The following SNX24 variants were observed in gnomAD, a reference collection of about 807,000 sequenced individuals.
SNX24 encodes sorting nexin-24.
Under a neutral mutation model 28.7 loss-of-function variants are expected in SNX24, and 22 were observed. That is an observed-to-expected ratio of 0.77 (90% CI 0.55 to 1.10). The LOEUF (loss-of-function observed/expected upper bound fraction) is 1.10. Among genes scored for constraint, SNX24 ranks in the 50% least tolerant of loss-of-function variants. The probability of loss-of-function intolerance (pLI) is 0.00; values close to 1 mark genes in which losing one functional copy is unlikely to be tolerated. For synonymous variants in SNX24, 69 were observed against 71.5 expected (o/e 0.96, Z 0.18); for missense variants, 221 against 201.1 (o/e 1.10, Z -0.60).
chr5:122,992,411 T>C (rs1237821889), intron 3 of SNX24, among the ~76,000 whole-genome samples: 2 of 152,174 alleles, frequency 1.3e-5, no homozygotes, highest in Non-Finnish European at 2.9e-5. Context: ...CCAGAAGCCC[T>C]TCCTAACCTC....
chr5:122,956,028 A>G (rs1036528481), intron 3 of SNX24, among the ~76,000 whole-genome samples: 4 of 150,068 alleles, frequency 2.7e-5, no homozygotes, highest in East Asian at 3.9e-4. Flanking sequence ...TCTGTGTTCT[A>G]TGGCTGGACA....
At chr5:122,945,908 G>C (rs1034051566) in intron 2 of SNX24, 147 bp from the exon 3 acceptor site, 1 of 495,590 alleles carries the variant, frequency 2.0e-6, no homozygotes, top group South Asian at 3.6e-5. Context: ...CAAAATTGCA[G>C]TGTAATTATA....
intron 3 of SNX24, among the ~76,000 whole-genome samples, chr5:122,995,213 C>T (rs562349158): frequency 2.2e-4 from 34 of 152,286 alleles, no homozygotes; most frequent in Non-Finnish European, 4.4e-4. Flanking sequence ...GAAAATGACT[C>T]CTTCCTTGCT....
At chr5:122,932,289 G>C (rs1045513881) in intron 1 of SNX24, among the ~76,000 whole-genome samples, 3 of 152,154 alleles carry the variant, frequency 2.0e-5, no homozygotes, top group Admixed American at 2.0e-4. Context: ...ACTTTATACA[G>C]AGGGGATTTC....
chr5:122,845,778 C>T (rs1754593696), intron 1 of SNX24, 85 bp downstream of exon 1: 3 of 791,682 alleles, frequency 3.8e-6, no homozygotes, highest in Non-Finnish European at 5.3e-6. Flanking sequence ...CCGCCGCCGC[C>T]TTGGCGCAGG....
chr5:122,964,975 T>C (rs1760658546), intron 3 of SNX24, among the ~76,000 whole-genome samples: 1 of 152,184 alleles, frequency 6.6e-6, no homozygotes, highest in Admixed American at 6.5e-5. Context: ...TTTTTTCTTG[T>C]GTTTGGTTGG....
chr5:122,998,938 C>T (rs13155907), intron 3 of SNX24, among the ~76,000 whole-genome samples: 33,922 of 151,830 alleles, frequency 0.22, 4,826 homozygotes, highest in Non-Finnish European at 0.33. Flanking sequence ...CATGTACTTA[C>T]TGGACAAAAT....
chr5:123,018,168 C>T (rs1029819979), intron 5 of SNX24, among the ~76,000 whole-genome samples: 1 of 151,782 alleles, frequency 6.6e-6, no homozygotes, highest in Non-Finnish European at 1.5e-5. Flanking sequence ...CAGAGAGCAC[C>T]TCACACAAGG....
At position 122,901,182 on chromosome 5, in the gene SNX24, CAA is replaced by C. The variant is rs1338033250; in HGVS notation, c.61-35551_61-35550del. Among the ~76,000 whole-genome samples, 3 of 133,452 alleles carry C rather than the reference CAA, an allele frequency of 2.2e-5. No homozygotes were observed. In the Admixed American group the frequency reaches 2.4e-4, roughly 11 times the overall value. The allele number at this position is 133,452 out of a possible 152,430, so 87.5% of individuals were successfully genotyped here. Reference sequence around the variant, plus strand: ...TGCTATTGCACTCCAGCCTGGGTGACAAGAGCAAAACTCCATCTCAAAAAAAA... The same window carrying C: ...TGCTATTGCACTCCAGCCTGGGTGACGAGCAAAACTCCATCTCAAAAAAAA... On this transcript the variant is annotated intron_variant, in intron 1 of 6. Transcript: ENST00000261369.
intron 1 of SNX24, among the ~76,000 whole-genome samples, chr5:122,909,517 A>T (rs1448911361): frequency 6.6e-6 from 1 of 152,200 alleles, no homozygotes; most frequent in Non-Finnish European, 1.5e-5. Flanking sequence ...ATCAGAGTGG[A>T]AAGAGCTGTA....
chr5:122,936,842 CTT>C (rs1217486139), intron 2 of SNX24, 25 bp downstream of exon 2: 2 of 1,486,070 alleles, frequency 1.3e-6, no homozygotes, highest in Non-Finnish European at 9.4e-7. Context: ...GTTTTTTTGT[CTT>C]TTCTCTATGT....
intron 1 of SNX24, among the ~76,000 whole-genome samples, chr5:122,920,852 C>T (rs1481661468): frequency 2.6e-5 from 4 of 152,106 alleles, no homozygotes; most frequent in African/African-American, 9.7e-5. Flanking sequence ...ATGAAATGTG[C>T]AAATAGGAAA....
At chr5:122,939,969 C>T (rs1759367500) in intron 2 of SNX24, among the ~76,000 whole-genome samples, 2 of 151,408 alleles carry the variant, frequency 1.3e-5, no homozygotes, top group African/African-American at 4.9e-5. Flanking sequence ...TTATAATACA[C>T]ACTACTTAAT....
rs149665351 is a variant in SNX24 at position 122,980,924 on chromosome 5, C to T, written c.250-18988C>T. On this transcript the variant is annotated intron_variant, in intron 3 of 6. Coordinates refer to ENST00000261369, the MANE Select transcript of SNX24 (RefSeq NM_014035.4). ...AGAGAGCCATTGCCTCTGAAATTGC[C>T]GGTGCTCATGCTTTGTCCCATACAA... 7.1e-3 allele frequency among the ~76,000 whole-genome samples: 1,084 copies of T among 152,000 alleles called. 9 individuals are homozygous for T. Among genetic ancestry groups the T allele is most frequent in the Non-Finnish European group, 0.011 (724 of 67,972 alleles).
intron 5 of SNX24, chr5:123,025,644 T>C: frequency 1.2e-6 from 1 of 828,246 alleles, no homozygotes. Flanking sequence ...CCATACCATA[T>C]ATAATTTATT....
intron 2 of SNX24, among the ~76,000 whole-genome samples, chr5:122,943,947 T>A (rs1759571599): frequency 6.6e-6 from 1 of 152,220 alleles, no homozygotes; most frequent in African/African-American, 2.4e-5. Flanking sequence ...TTTACAGACT[T>A]GTACCCAACT....
chr5:122,921,162 T>A (rs897234584), intron 1 of SNX24, among the ~76,000 whole-genome samples: 2 of 152,232 alleles, frequency 1.3e-5, no homozygotes, highest in South Asian at 2.1e-4. Flanking sequence ...TTTTTTTTTT[T>A]AACTTTAACA....
chr5:122,981,110 G>A (rs186603939), intron 3 of SNX24, among the ~76,000 whole-genome samples: 24 of 152,260 alleles, frequency 1.6e-4, no homozygotes, highest in Middle Eastern at 6.8e-3. Flanking sequence ...ATTAAGGTTA[G>A]AACTTGTCTT....
At chr5:122,908,217 G>A (rs1230883059) in intron 1 of SNX24, among the ~76,000 whole-genome samples, 5 of 152,222 alleles carry the variant, frequency 3.3e-5, no homozygotes, top group African/African-American at 1.2e-4. Flanking sequence ...AACCTCATCT[G>A]TTCCGTCAAC....
Sources: gnomAD v4.1 joint callset for allele counts (sites outside exome capture counted in the v4.1 genomes callset) on GRCh38, gnomAD v4.1.1 for gene constraint, MANE v1.5 for transcripts, NCBI Gene and HGNC (gene_info 2026-07-23, HGNC 2026-07-21) for gene names.